CDH4: variants seen among roughly 807,000 people sequenced by gnomAD.
CDH4 encodes cadherin-4.
A neutral mutation model predicts 86.0 loss-of-function variants in CDH4; 33 were observed. The ratio of observed to expected loss-of-function variants is 0.38; its 90% CI spans 0.29 to 0.51. The LOEUF is 0.51. Among genes scored for constraint, CDH4 ranks in the 20% least tolerant of loss-of-function variants. CDH4 has a pLI of 0.86. For missense variants in CDH4, 1,114 were observed against 1,307.4 expected (o/e 0.85, Z 2.28); for synonymous variants, 555 against 549.4 (o/e 1.01, Z -0.14).
At chr20:61,327,414 C>A (rs897938772) in intron 2 of CDH4, among the ~76,000 whole-genome samples, 1 of 152,186 alleles carries the variant, frequency 6.6e-6, no homozygotes, top group Admixed American at 6.5e-5. Flanking sequence ...AGGCTAAATT[C>A]TGTGAACCAG....
chr20:61,338,391 GT>G (rs1453660354), intron 2 of CDH4, among the ~76,000 whole-genome samples: 1 of 152,174 alleles, frequency 6.6e-6, no homozygotes, highest in African/African-American at 2.4e-5. Flanking sequence ...CAATTGAGTA[GT>G]TGTACATAAG....
chr20:61,367,867 C>CTTTTTT lies in CDH4; in HGVS notation c.169+112946_169+112951dup, dbSNP rs372521090. ...GCCTGGAAATGCCTTTCTCCAGGATCTTTTTTTTTTTTTTTTTTTTTGAGA... is the reference window on the plus strand; with the variant it reads ...GCCTGGAAATGCCTTTCTCCAGGATCTTTTTTTTTTTTTTTTTTTTTTTTTTTGAGA... On this transcript the variant is annotated intron_variant, in intron 2 of 15. Coordinates refer to ENST00000614565, the MANE Select transcript of CDH4 (RefSeq NM_001794.5). Among the ~76,000 whole-genome samples, 6 of 119,072 alleles carry CTTTTTT rather than the reference C, an allele frequency of 5.0e-5. 1 individual carries two copies. The highest frequency in any genetic ancestry group is 6.9e-5 in the African/African-American group (2 of 29,022). The allele number at this position is 119,072 out of a possible 152,430, so 78.1% of individuals were successfully genotyped here.
intron 2 of CDH4, among the ~76,000 whole-genome samples, chr20:61,350,775 G>A (rs2123299292): frequency 6.6e-6 from 1 of 152,354 alleles, no homozygotes; most frequent in African/African-American, 2.4e-5. Flanking sequence ...GTTGTGAGCG[G>A]AAAATTGCCA....
chr20:61,424,482 T>C (rs1391060377), intron 2 of CDH4, among the ~76,000 whole-genome samples: 1 of 151,608 alleles, frequency 6.6e-6, no homozygotes, highest in African/African-American at 2.4e-5. Flanking sequence ...TATCCACACA[T>C]AGCACACACA....
intron 2 of CDH4, among the ~76,000 whole-genome samples, chr20:61,389,696 G>C (rs2084970573): frequency 6.6e-6 from 1 of 151,596 alleles, no homozygotes; most frequent in Non-Finnish European, 1.5e-5. Flanking sequence ...ACATCAGGGG[G>C]TGAGAACAAT....
chr20:61,875,367 C>A (rs960723432), intron 7 of CDH4, among the ~76,000 whole-genome samples: 1 of 151,988 alleles, frequency 6.6e-6, no homozygotes, highest in Non-Finnish European at 1.5e-5. Flanking sequence ...ATGCGGCTTG[C>A]GGGGAAGGCG....
chr20:61,890,719 G>A (rs1740364), intron 7 of CDH4, among the ~76,000 whole-genome samples: 137,233 of 152,200 alleles, frequency 0.9, 62,407 homozygotes, highest in Non-Finnish European at 0.93. Flanking sequence ...ACCCAAGTAA[G>A]TGTAAGCTAT....
intron 2 of CDH4, among the ~76,000 whole-genome samples, chr20:61,451,288 C>A (rs530488894): frequency 6.6e-6 from 1 of 152,158 alleles, no homozygotes; most frequent in Admixed American, 6.5e-5. Context: ...GGAAACGGCA[C>A]GGACCACCAT....
At chr20:61,745,505 GTCC>G (rs2088403249) in intron 3 of CDH4, among the ~76,000 whole-genome samples, 1 of 152,246 alleles carries the variant, frequency 6.6e-6, no homozygotes, top group South Asian at 2.1e-4. Context: ...GGTCTTGAGA[GTCC>G]TCCTGAGTGT....
rs148918993 is a variant in CDH4 at position 61,616,552 on chromosome 20, T to C, written c.170-127011T>C. On this transcript the variant is annotated intron_variant, in intron 2 of 15. Transcript: ENST00000614565. The stretch of plus-strand genomic sequence containing the variant: ...GGTAAATAATAGAACTCTCTCCTGC[T>C]CCAGGGAGGGTCAGAGCTTACTGGT... Among the ~76,000 whole-genome samples the C allele has an allele frequency of 3.9e-3, 598 of 152,296 alleles. 4 individuals are homozygous for C. The highest frequency in any genetic ancestry group is 0.013 in the African/African-American group (550 of 41,560).
At chr20:61,715,031 A>G (rs1236482955) in intron 2 of CDH4, among the ~76,000 whole-genome samples, 1 of 152,214 alleles carries the variant, frequency 6.6e-6, no homozygotes, top group Non-Finnish European at 1.5e-5. Flanking sequence ...CCCATCAGCA[A>G]TGTGTGAGCA....
chr20:61,263,693 CAA>C (rs1377241673), intron 2 of CDH4, among the ~76,000 whole-genome samples: 1 of 152,212 alleles, frequency 6.6e-6, no homozygotes, highest in African/African-American at 2.4e-5. Context: ...TTAAACAACA[CAA>C]AGTTATTATC....
chr20:61,533,161 G>C (rs570006681), intron 2 of CDH4, among the ~76,000 whole-genome samples: 2 of 152,172 alleles, frequency 1.3e-5, no homozygotes, highest in Non-Finnish European at 2.9e-5. Flanking sequence ...TGGGTTGGGG[G>C]TGACTCAGGC....
At chr20:61,289,094 G>A (rs2084307989) in intron 2 of CDH4, among the ~76,000 whole-genome samples, 1 of 152,228 alleles carries the variant, frequency 6.6e-6, no homozygotes. Flanking sequence ...AAGGCCAAAC[G>A]TACCATTTGC....
In CDH4 at chr20:61,764,262, A is replaced by T. The variant is rs543553179; in HGVS notation, c.397-8741A>T. The stretch of plus-strand genomic sequence containing the variant: ...TGGGGGCTAGTGTGGTTTTCTCAAC[A>T]TGCACCTTGCCCGTGAACCCCGGGG... On this transcript the variant is annotated intron_variant, in intron 3 of 15. Coordinates refer to ENST00000614565, the MANE Select transcript of CDH4 (RefSeq NM_001794.5). Among the ~76,000 whole-genome samples the T allele has an allele frequency of 4.6e-5, 7 of 152,242 alleles. No homozygotes were observed. The East Asian group carries it at 1.3e-3, about 29-fold the overall frequency.
intron 2 of CDH4, among the ~76,000 whole-genome samples, chr20:61,280,123 C>G (rs1476618182): frequency 2.0e-5 from 3 of 152,032 alleles, no homozygotes; most frequent in South Asian, 2.1e-4. Context: ...CGTCTGCCAG[C>G]CTTGATTGGG....
At chr20:61,896,529 T>TACCCCAGGCTC (rs1985129791) in intron 8 of CDH4, among the ~76,000 whole-genome samples, 1 of 151,852 alleles carries the variant, frequency 6.6e-6, no homozygotes, top group South Asian at 2.1e-4. Context: ...CTCTAGGTGC[T>TACCCCAGGCTC]CCCCCAGGCT....
At chr20:61,935,900 A>C (rs185679694) in intron 15 of CDH4, among the ~76,000 whole-genome samples, 6 of 152,074 alleles carry the variant, frequency 3.9e-5, no homozygotes, top group East Asian at 3.9e-4. Context: ...AAATCTAAAA[A>C]TAAATAAATA....
In CDH4 at chr20:61,807,349, G is replaced by T. The variant is rs371544459; in HGVS notation, c.576+34167G>T. 2.0e-5 allele frequency among the ~76,000 whole-genome samples: 3 copies of T among 152,248 alleles called. No homozygotes were observed. In the East Asian group the frequency reaches 5.8e-4, roughly 29 times the overall value. On this transcript the variant is annotated intron_variant, in intron 4 of 15. Coordinates refer to ENST00000614565, the MANE Select transcript of CDH4 (RefSeq NM_001794.5). This position sits in a 1 kb window ranked among gnomAD's most constrained non-coding sequence, Gnocchi z 4.5. ...GCTGGGGTCTTTGGATCTCAGGAGA[G>T]TGGGCGGTGGGAGAGGATTCCCTGA...
Sources: allele counts gnomAD v4.1 joint callset (sites outside exome capture counted in the v4.1 genomes callset), GRCh38; gene constraint gnomAD v4.1.1; non-coding constraint Gnocchi (gnomAD v3.1); transcripts MANE v1.5; gene names NCBI Gene and HGNC (gene_info 2026-07-23, HGNC 2026-07-21).